The following DLG2 variants were observed in gnomAD, a reference collection of about 807,000 sequenced individuals.
DLG2 encodes discs large MAGUK scaffold protein 2.
DLG2 carries 45 observed loss-of-function variants against 132.5 expected under a neutral mutation model. The observed-to-expected ratio is 0.34, with a 90% confidence interval of 0.27 to 0.44. The LOEUF is 0.44. Ranked by LOEUF, DLG2 falls within the 20% of genes least tolerant of loss-of-function variation. DLG2 has a pLI of 1.00. For missense variants in DLG2, 1,045 were observed against 1,196.9 expected (o/e 0.87, Z 1.87); for synonymous variants, 424 against 419.6 (o/e 1.01, Z -0.13).
intron 22 of DLG2, among the ~76,000 whole-genome samples, chr11:83,482,712 A>G (rs1282046014): frequency 6.6e-6 from 1 of 152,120 alleles, no homozygotes; most frequent in African/African-American, 2.4e-5. Context: ...ATAAATACTC[A>G]TGGAATCTCC....
chr11:84,774,431 T>TA lies in DLG2; in HGVS notation c.358-239701dup, dbSNP rs530391823. 7.2e-4 allele frequency among the ~76,000 whole-genome samples: 109 copies of TA among 152,046 alleles called. 1 individual carries two copies. In the South Asian group the frequency reaches 8.9e-3, roughly 12 times the overall value. On this transcript the variant is annotated intron_variant, in intron 6 of 27. Transcript: ENST00000376104. The stretch of plus-strand genomic sequence containing the variant: ...CGACCAACATTCTTTTTCCCAGAAT[T>TA]AAAAAAAGACTATTCTAAAATCCAT...
chr11:83,805,881 G>C (rs931158732), intron 17 of DLG2, among the ~76,000 whole-genome samples: 1 of 152,136 alleles, frequency 6.6e-6, no homozygotes, highest in African/African-American at 2.4e-5. Flanking sequence ...GAAAAAGTGA[G>C]GCACAGAGAA....
At chr11:83,708,040 A>G (rs1246261125) in intron 18 of DLG2, among the ~76,000 whole-genome samples, 2 of 152,236 alleles carry the variant, frequency 1.3e-5, no homozygotes, top group African/African-American at 4.8e-5. Flanking sequence ...ATTGTATTCC[A>G]TCATGAGGTT....
chr11:84,964,213 A>C (rs1429961957), intron 6 of DLG2, among the ~76,000 whole-genome samples: 1 of 152,104 alleles, frequency 6.6e-6, no homozygotes, highest in Non-Finnish European at 1.5e-5. Flanking sequence ...AAAGTATTTG[A>C]TTGGAAATCA....
At chr11:83,776,110 A>T (rs56803564) in intron 18 of DLG2, among the ~76,000 whole-genome samples, 69,887 of 149,208 alleles carry the variant, frequency 0.47, 16,718 homozygotes, top group Middle Eastern at 0.67. Flanking sequence ...ATAAATAAAT[A>T]AAATAAATAA....
chr11:84,376,259 C>A (rs1328638245), intron 7 of DLG2, among the ~76,000 whole-genome samples: 1 of 151,772 alleles, frequency 6.6e-6, no homozygotes, highest in East Asian at 1.9e-4. Flanking sequence ...TCTTATTACC[C>A]ATATTAGTTT....
chr11:85,138,752 T>C (rs918415718), intron 5 of DLG2, among the ~76,000 whole-genome samples: 1 of 150,466 alleles, frequency 6.6e-6, no homozygotes, highest in South Asian at 2.1e-4. Flanking sequence ...TCTCATACTG[T>C]CACCATGTAA....
chr11:84,720,451 G>C (rs1167490036), intron 6 of DLG2: 3 of 985,348 alleles, frequency 3.0e-6, no homozygotes, highest in Non-Finnish European at 3.6e-6. Context: ...CGCTGTGCTC[G>C]CCGGGCACAT....
intron 6 of DLG2, among the ~76,000 whole-genome samples, chr11:84,802,338 A>G (rs1473815707): frequency 6.6e-6 from 1 of 152,112 alleles, no homozygotes. Flanking sequence ...AGGGGAATTA[A>G]CAAGGAATAA....
At chr11:84,521,647 G>T (rs1490494332) in intron 7 of DLG2, among the ~76,000 whole-genome samples, 1 of 152,042 alleles carries the variant, frequency 6.6e-6, no homozygotes, top group Non-Finnish European at 1.5e-5. Context: ...ACTAAAGCAA[G>T]GTATCATCTT....
chr11:85,422,411 G>A (rs1483896632), intron 3 of DLG2, among the ~76,000 whole-genome samples: 1 of 151,976 alleles, frequency 6.6e-6, no homozygotes. Context: ...TTGTTGGGTT[G>A]GGTTAATTTG....
At chr11:83,625,118 C>T (rs919148191) in intron 19 of DLG2, among the ~76,000 whole-genome samples, 1 of 152,184 alleles carries the variant, frequency 6.6e-6, no homozygotes, top group Non-Finnish European at 1.5e-5. Context: ...AATAAAAATA[C>T]CACTGTCAGC....
intron 7 of DLG2, among the ~76,000 whole-genome samples, chr11:84,348,300 A>T (rs2154410304): frequency 6.6e-6 from 1 of 152,342 alleles, no homozygotes; most frequent in East Asian, 1.9e-4. Flanking sequence ...ATAAAGCTCA[A>T]GGACGTTAAG....
At chr11:84,382,149 C>T (rs139810058) in intron 7 of DLG2, among the ~76,000 whole-genome samples, 2 of 152,288 alleles carry the variant, frequency 1.3e-5, no homozygotes, top group Admixed American at 1.3e-4. Context: ...AATCAGCTTT[C>T]CTGCTAGAAA....
intron 9 of DLG2, among the ~76,000 whole-genome samples, chr11:84,106,477 T>C (rs1224212451): frequency 1.3e-5 from 2 of 152,120 alleles, no homozygotes; most frequent in East Asian, 3.9e-4. Flanking sequence ...TTTTAAATGC[T>C]ATCTAATAAT....
At chr11:84,971,232 A>T (rs2054055811) in intron 6 of DLG2, among the ~76,000 whole-genome samples, 1 of 152,212 alleles carries the variant, frequency 6.6e-6, no homozygotes, top group African/African-American at 2.4e-5. Flanking sequence ...TTTAAAAGGA[A>T]AAAGAAAATG....
At chr11:85,286,722 C>T (rs2078580659) in intron 3 of DLG2, among the ~76,000 whole-genome samples, 1 of 152,044 alleles carries the variant, frequency 6.6e-6, no homozygotes, top group Admixed American at 6.6e-5. Flanking sequence ...CTGAGAGGAC[C>T]TAGAAGCAGG....
At chr11:85,135,904 T>C (rs566344495) in intron 5 of DLG2, among the ~76,000 whole-genome samples, 1 of 152,258 alleles carries the variant, frequency 6.6e-6, no homozygotes, top group South Asian at 2.1e-4. Flanking sequence ...GTGTTTTACG[T>C]CTACAAAATA....
chr11:83,638,627 C>T (rs2065491319), intron 18 of DLG2, among the ~76,000 whole-genome samples: 1 of 152,112 alleles, frequency 6.6e-6, no homozygotes, highest in Non-Finnish European at 1.5e-5. Flanking sequence ...CTGTTACGGC[C>T]TCCCTCTACT....
Sources: allele counts gnomAD v4.1 joint callset (sites outside exome capture counted in the v4.1 genomes callset), GRCh38; gene constraint gnomAD v4.1.1; transcripts MANE v1.5; gene names NCBI Gene and HGNC (gene_info 2026-07-23, HGNC 2026-07-21).